The following CCSER2 variants were observed in gnomAD, a reference collection of about 807,000 sequenced individuals.
CCSER2 encodes the protein serine-rich coiled-coil domain-containing protein 2.
CCSER2 carries 46 observed loss-of-function variants against 92.3 expected under a neutral mutation model. The observed-to-expected ratio is 0.50, with a 90% CI of 0.39 to 0.64. The LOEUF (loss-of-function observed/expected upper bound fraction) is 0.64, where lower values mean the gene tolerates loss of function less well. Ranked by LOEUF, CCSER2 falls within the 30% of genes least tolerant of loss-of-function variation. CCSER2 has a pLI of 0.00. For missense variants in CCSER2, 1,244 were observed against 1,238.9 expected (o/e 1.00, Z -0.06); for synonymous variants, 433 against 431.4 (o/e 1.00, Z -0.04).
rs141781493 is a variant in CCSER2, at chr10:84,437,130, T to TACAC, written c.1869-1364_1869-1361dup. Among the ~76,000 whole-genome samples the TACAC allele has an allele frequency of 5.9e-3, 873 of 147,578 alleles. 18 individuals carry two copies. The highest frequency in any genetic ancestry group is 0.056 in the East Asian group (280 of 4,992). ...TCTACTTACTAACTAGCCAACCAAA[T>TACAC]ACACACACACACACACACACAGAGA... On this transcript the variant is annotated intron_variant, in intron 5 of 9. Transcript: ENST00000372088.
At chr10:84,380,536 A>G (rs1015732275) in intron 3 of CCSER2, among the ~76,000 whole-genome samples, 2 of 151,972 alleles carry the variant, frequency 1.3e-5, no homozygotes, top group Non-Finnish European at 2.9e-5. Flanking sequence ...GTGTGTGTGT[A>G]AGACACCCAT....
rs1008199871 is a variant in CCSER2, at chr10:84,518,367, G to T, written c.*4100G>T. On this transcript the variant is annotated 3_prime_UTR_variant, in exon 10 of 10. Transcript: ENST00000372088. ...CTAACAAAGAGCAAAAATAATATCT[G>T]CAGTATTGTTTTTCCCATTGATTTT... 18 of 152,600 alleles carry T rather than the reference G, an allele frequency of 1.2e-4. No individual in the cohort carries two copies. Among genetic ancestry groups the T allele is most frequent in the Admixed American group, 9.2e-4 (14 of 15,274 alleles). The allele number at this position is 152,600 out of a possible 1,614,324, so 9.5% of individuals were successfully genotyped here. A position where few individuals can be genotyped will look rare whatever the true frequency, so the allele number is the denominator to read the frequency against.
rs59244448 is a variant in CCSER2 at position 84,420,932 on chromosome 10, C to CAAAAAA, written c.1705+3083_1705+3088dup. Reference sequence around the variant, plus strand: ...TGGGCGACAGAGCGAGACTCCATCTCAAAAAAAAAAAAAAAAAGGTTTAGA... The same window carrying CAAAAAA: ...TGGGCGACAGAGCGAGACTCCATCTCAAAAAAAAAAAAAAAAAAAAAAAGGTTTAGA... On this transcript the variant is annotated intron_variant, in intron 4 of 9. Transcript: ENST00000372088. Among the ~76,000 whole-genome samples, 55 of 84,806 alleles carry CAAAAAA rather than the reference C, an allele frequency of 6.5e-4. 2 individuals are homozygous for CAAAAAA. The highest frequency in any genetic ancestry group is 1.4e-3 in the African/African-American group (31 of 21,532). 55.6% of individuals were successfully genotyped at this position (84,806 alleles called of 152,430 possible). A position where few individuals can be genotyped will look rare whatever the true frequency, so the allele number is the denominator to read the frequency against.
chr10:84,355,410 TTATTTC>T (rs1157216180), intron 1 of CCSER2, among the ~76,000 whole-genome samples: 1 of 152,194 alleles, frequency 6.6e-6, no homozygotes, highest in African/African-American at 2.4e-5. Context: ...TTCAGTGTCT[TTATTTC>T]TATTTACCAT....
chr10:84,348,380 G>T (rs900881227), intron 1 of CCSER2, among the ~76,000 whole-genome samples: 5 of 152,236 alleles, frequency 3.3e-5, no homozygotes, highest in African/African-American at 1.2e-4. Context: ...CAGGGAGGTT[G>T]CAGTGAGCAG....
At chr10:84,399,147 T>C (rs920396541) in intron 3 of CCSER2, among the ~76,000 whole-genome samples, 1 of 152,212 alleles carries the variant, frequency 6.6e-6, no homozygotes, top group African/African-American at 2.4e-5. Flanking sequence ...ATAATGATCA[T>C]TGTACCTATT....
At chr10:84,368,923 A>G (rs889750989) in intron 1 of CCSER2, among the ~76,000 whole-genome samples, 1 of 152,182 alleles carries the variant, frequency 6.6e-6, no homozygotes, top group Non-Finnish European at 1.5e-5. Flanking sequence ...CTTAATTACA[A>G]GTAAGAACAT....
chr10:84,499,550 G>T (rs1032456740), intron 9 of CCSER2, among the ~76,000 whole-genome samples: 3 of 151,746 alleles, frequency 2.0e-5, no homozygotes, highest in African/African-American at 7.3e-5. Flanking sequence ...TTCTTTTTCT[G>T]CAAAAGACTG....
chr10:84,514,417 C>G lies in CCSER2; in HGVS notation c.*150C>G. On this transcript the variant is annotated 3_prime_UTR_variant, in exon 10 of 10. Coordinates refer to ENST00000372088, the MANE Select transcript of CCSER2 (RefSeq NM_001284240.2). ...AATGTGGAAGCTTCTACTAGTTTGG[C>G]TCCTTCATTTTATATCCTGGTTGAA... 1 of 623,796 alleles carries G rather than the reference C, an allele frequency of 1.6e-6. No homozygotes were observed. Among genetic ancestry groups the G allele is most frequent in the South Asian group, 2.1e-5 (1 of 46,532 alleles). The allele number at this position is 623,796 out of a possible 1,614,324, so 38.6% of individuals were successfully genotyped here.
chr10:84,385,500 A>G (rs191214853), intron 3 of CCSER2, among the ~76,000 whole-genome samples: 6 of 152,268 alleles, frequency 3.9e-5, no homozygotes, highest in Admixed American at 3.3e-4. Flanking sequence ...AAAATAAACT[A>G]CGGGGAAAGG....
At chr10:84,407,191 A>G (rs1034883243) in intron 3 of CCSER2, among the ~76,000 whole-genome samples, 1 of 152,218 alleles carries the variant, frequency 6.6e-6, no homozygotes, top group East Asian at 1.9e-4. Flanking sequence ...TCAAAGATGC[A>G]GCATGCACAT....
intron 3 of CCSER2, among the ~76,000 whole-genome samples, chr10:84,409,280 C>T (rs181500665): frequency 5.9e-5 from 9 of 151,652 alleles, no homozygotes; most frequent in African/African-American, 9.7e-5. Context: ...CATGAGCCAC[C>T]GCGCCTGGCC....
chr10:84,436,120 G>T (rs1298765336), intron 5 of CCSER2, among the ~76,000 whole-genome samples: 1 of 151,674 alleles, frequency 6.6e-6, no homozygotes, highest in Non-Finnish European at 1.5e-5. Context: ...ACGAGGTCAG[G>T]AGATCGAGAC....
chr10:84,458,907 T>G (rs1050681246), intron 6 of CCSER2, among the ~76,000 whole-genome samples: 6 of 151,792 alleles, frequency 4.0e-5, no homozygotes, highest in Admixed American at 1.3e-4. Context: ...TAAATGGTAG[T>G]TTTTTTTAAA....
intron 6 of CCSER2, chr10:84,455,205 T>C: frequency 5.7e-6 from 1 of 174,672 alleles, no homozygotes; most frequent in Non-Finnish European, 1.2e-5. Context: ...ACAGCAGTCT[T>C]TTTCAACCTG....
chr10:84,396,705 T>A (rs1423885305), intron 3 of CCSER2, among the ~76,000 whole-genome samples: 1 of 152,166 alleles, frequency 6.6e-6, no homozygotes, highest in Non-Finnish European at 1.5e-5. Flanking sequence ...ACTGGCTAAT[T>A]TTTGTATTTT....
intron 3 of CCSER2, among the ~76,000 whole-genome samples, chr10:84,386,379 ATG>A (rs1841206044): frequency 6.6e-6 from 1 of 152,244 alleles, no homozygotes; most frequent in Non-Finnish European, 1.5e-5. Flanking sequence ...GATAAAGAAA[ATG>A]TGGTGTATAT....
intron 8 of CCSER2, 45 bp from the exon 9 acceptor site, chr10:84,477,530 A>G (rs1847221036): frequency 3.0e-6 from 3 of 986,058 alleles, no homozygotes; most frequent in Non-Finnish European, 3.2e-6. Context: ...CTTGGTGTGT[A>G]TATGCAGAAT....
At chr10:84,398,761 T>C (rs941894658) in intron 3 of CCSER2, among the ~76,000 whole-genome samples, 1 of 152,198 alleles carries the variant, frequency 6.6e-6, no homozygotes, top group Non-Finnish European at 1.5e-5. Flanking sequence ...TCACAGGGAA[T>C]ACAATGATGA....
Sources: allele counts gnomAD v4.1 joint callset (sites outside exome capture counted in the v4.1 genomes callset), GRCh38; gene constraint gnomAD v4.1.1; transcripts MANE v1.5; gene names NCBI Gene and HGNC (gene_info 2026-07-23, HGNC 2026-07-21).